CPQ: variants seen among roughly 807,000 people sequenced by gnomAD.
The protein encoded by CPQ is Ser-Met dipeptidase.
A neutral mutation model predicts 45.7 loss-of-function variants in CPQ; 37 were observed. The observed-to-expected ratio is 0.81, with a 90% CI of 0.62 to 1.07. The LOEUF is 1.07. CPQ is among the 50% of genes least tolerant of loss of function. CPQ has a pLI of 0.00. For synonymous variants in CPQ, 186 were observed against 205.8 expected (o/e 0.90, Z 0.82); for missense variants, 537 against 572.9 (o/e 0.94, Z 0.64).
chr8:96,833,086 A>G (rs114106921), intron 2 of CPQ, among the ~76,000 whole-genome samples: 1,708 of 152,222 alleles, frequency 0.011, 41 homozygotes, highest in African/African-American at 0.037. Flanking sequence ...TAAAATTATC[A>G]GTATTGGGGG....
intron 6 of CPQ, among the ~76,000 whole-genome samples, chr8:97,039,731 G>T (rs1407798254): frequency 6.6e-6 from 1 of 151,962 alleles, no homozygotes; most frequent in East Asian, 1.9e-4. Context: ...AGAACATGTG[G>T]TGTTTGGTTT....
intron 6 of CPQ, among the ~76,000 whole-genome samples, chr8:97,035,897 C>T (rs1016988087): frequency 3.3e-5 from 5 of 151,992 alleles, no homozygotes; most frequent in Admixed American, 6.6e-5. Context: ...TTAGTAGAGA[C>T]CGGGTTTCAC....
At chr8:96,769,343 C>T (rs761033154) in intron 1 of CPQ, among the ~76,000 whole-genome samples, 1 of 152,240 alleles carries the variant, frequency 6.6e-6, no homozygotes, top group Admixed American at 6.5e-5. Flanking sequence ...TAGGGCTACC[C>T]ACTTTGTATT....
At chr8:97,117,926 T>A (rs1811623250) in intron 7 of CPQ, among the ~76,000 whole-genome samples, 1 of 152,204 alleles carries the variant, frequency 6.6e-6, no homozygotes, top group Non-Finnish European at 1.5e-5. Flanking sequence ...TCTTTATCAA[T>A]TTGTTTTCCT....
chr8:97,119,670 G>A (rs534970201), intron 7 of CPQ, among the ~76,000 whole-genome samples: 96 of 152,182 alleles, frequency 6.3e-4, no homozygotes, highest in African/African-American at 2.3e-3. Flanking sequence ...CCTCAGTGGG[G>A]GATTACTTAG....
chr8:97,139,986 A>T (rs1319850284), intron 7 of CPQ, among the ~76,000 whole-genome samples: 3 of 149,784 alleles, frequency 2.0e-5, no homozygotes, highest in African/African-American at 7.4e-5. Flanking sequence ...AATTATTAAT[A>T]AAACTGACAA....
intron 4 of CPQ, among the ~76,000 whole-genome samples, chr8:96,904,427 AAATGAT>A (rs1812550519): frequency 6.6e-6 from 1 of 152,174 alleles, no homozygotes; most frequent in Non-Finnish European, 1.5e-5. Context: ...TTTGTTATTT[AAATGAT>A]AATGGCAAAA....
At chr8:96,845,769 G>GGCC (rs200078086) in intron 3 of CPQ, among the ~76,000 whole-genome samples, 4,306 of 152,194 alleles carry the variant, frequency 0.028, 82 homozygotes, top group African/African-American at 0.042. Context: ...AGTGTGGTAT[G>GGCC]GCCATAGATG....
intron 2 of CPQ, among the ~76,000 whole-genome samples, chr8:96,795,999 C>T (rs1216095429): frequency 6.6e-6 from 1 of 151,896 alleles, no homozygotes. Flanking sequence ...ATATAATGTA[C>T]ATTTTAATGA....
intron 5 of CPQ, among the ~76,000 whole-genome samples, chr8:97,021,612 G>A (rs1209201884): frequency 6.6e-6 from 1 of 151,946 alleles, no homozygotes; most frequent in East Asian, 1.9e-4. Flanking sequence ...TTTTAAAATA[G>A]CTGCAAAAAG....
intron 6 of CPQ, among the ~76,000 whole-genome samples, chr8:97,044,933 G>T (rs189725254): frequency 9.2e-5 from 14 of 152,182 alleles, no homozygotes; most frequent in Admixed American, 2.6e-4. Context: ...GGGGGGTCAG[G>T]GGTCAGGGAC....
At chr8:96,884,268 T>TA (rs997823765) in intron 4 of CPQ, among the ~76,000 whole-genome samples, 70 of 151,860 alleles carry the variant, frequency 4.6e-4, no homozygotes, top group African/African-American at 1.6e-3. Flanking sequence ...TTCAGCATAT[T>TA]AAAAAAAAAT....
At chr8:96,901,333 C>G (rs975042141) in intron 4 of CPQ, among the ~76,000 whole-genome samples, 18 of 152,252 alleles carry the variant, frequency 1.2e-4, no homozygotes, top group Admixed American at 2.6e-4. Context: ...GAGTCCTTCC[C>G]CTCCCTTTCT....
At chr8:96,678,758 C>CCTT (rs1554613584) in intron 1 of CPQ, among the ~76,000 whole-genome samples, 1 of 114,878 alleles carries the variant, frequency 8.7e-6, no homozygotes, top group Non-Finnish European at 1.7e-5. Context: ...ATTATTTGGG[C>CCTT]TTTTTTTTTT....
At chr8:96,759,470 AC>A (rs1810370732) in intron 1 of CPQ, among the ~76,000 whole-genome samples, 1 of 152,092 alleles carries the variant, frequency 6.6e-6, no homozygotes, top group Non-Finnish European at 1.5e-5. Context: ...CCCTATTCAG[AC>A]CAACTTATTT....
chr8:96,840,854 A>C (rs1811596219), intron 3 of CPQ, among the ~76,000 whole-genome samples: 1 of 152,186 alleles, frequency 6.6e-6, no homozygotes, highest in Non-Finnish European at 1.5e-5. Context: ...TTCAGCCCAA[A>C]ATTTAAAAAT....
At chr8:96,988,950 A>T (rs1446259487) in intron 5 of CPQ, among the ~76,000 whole-genome samples, 1 of 152,174 alleles carries the variant, frequency 6.6e-6, no homozygotes, top group Non-Finnish European at 1.5e-5. Context: ...ATTTTTTGCC[A>T]AATACTTGTT....
intron 7 of CPQ, among the ~76,000 whole-genome samples, chr8:97,089,850 C>T (rs983750282): frequency 3.9e-5 from 6 of 152,184 alleles, no homozygotes; most frequent in South Asian, 4.2e-4. Context: ...TTATTACAAG[C>T]GCAAAGACTC....
At chr8:96,818,752 A>G in intron 2 of CPQ, among the ~76,000 whole-genome samples, 1 of 152,206 alleles carries the variant, frequency 6.6e-6, no homozygotes, top group South Asian at 2.1e-4. Context: ...GTCAATATGT[A>G]TTACCCTGCC....
Sources: gnomAD v4.1 joint callset for allele counts (sites outside exome capture counted in the v4.1 genomes callset) on GRCh38, gnomAD v4.1.1 for gene constraint, MANE v1.5 for transcripts, NCBI Gene and HGNC (gene_info 2026-07-23, HGNC 2026-07-21) for gene names.